The following TMTC2 variants were observed in gnomAD, a reference collection of about 807,000 sequenced individuals.
The protein encoded by TMTC2 is transmembrane O-mannosyltransferase targeting cadherins 2, also known as protein O-mannosyl-transferase TMTC2.
In TMTC2, 43 loss-of-function variants were observed where a neutral mutation model predicts 82.4. That is an observed-to-expected ratio of 0.52 (90% CI 0.41 to 0.67). The LOEUF (loss-of-function observed/expected upper bound fraction) is 0.67, where lower values mean the gene tolerates loss of function less well. TMTC2 is among the 30% of genes least tolerant of loss of function. The pLI is 0.00. For missense variants in TMTC2, 919 were observed against 1,012.4 expected, an observed-to-expected ratio of 0.91 and a Z score of 1.25; for synonymous variants, 408 against 381.9, an observed-to-expected ratio of 1.07 and a Z score of -0.80.
At chr12:83,039,224 C>T (rs983355422) in intron 9 of TMTC2, among the ~76,000 whole-genome samples, 3 of 151,994 alleles carry the variant, frequency 2.0e-5, no homozygotes, top group East Asian at 1.9e-4. Flanking sequence ...TAAGCCACCA[C>T]GCCTGGCCAA....
At chr12:83,068,565 C>T (rs2137483652) in intron 11 of TMTC2, among the ~76,000 whole-genome samples, 1 of 152,212 alleles carries the variant, frequency 6.6e-6, no homozygotes, top group East Asian at 1.9e-4. Context: ...CCATATGTCT[C>T]CTGACTTTTA....
At chr12:83,002,138 C>T (rs568791379) in intron 8 of TMTC2, among the ~76,000 whole-genome samples, 54 of 152,178 alleles carry the variant, frequency 3.5e-4, no homozygotes, top group African/African-American at 1.2e-3. Flanking sequence ...TTTTTTATTA[C>T]TGATTCAATT....
intron 11 of TMTC2, among the ~76,000 whole-genome samples, chr12:83,105,525 T>G (rs562002346): frequency 6.6e-6 from 1 of 152,288 alleles, no homozygotes; most frequent in East Asian, 1.9e-4. Flanking sequence ...GAGTTGGCAC[T>G]TCACATGGTG....
At chr12:82,878,360 A>C (rs963618667) in intron 2 of TMTC2, among the ~76,000 whole-genome samples, 2 of 152,226 alleles carry the variant, frequency 1.3e-5, no homozygotes, top group Admixed American at 6.5e-5. Flanking sequence ...AGTAGTTGAT[A>C]TCTTTCATAT....
chr12:82,696,304 T>G (rs1872785029), intron 1 of TMTC2, among the ~76,000 whole-genome samples: 2 of 152,170 alleles, frequency 1.3e-5, no homozygotes, highest in South Asian at 2.1e-4. Flanking sequence ...TCATTTAAAA[T>G]AGGAAGGTTA....
At chr12:83,066,926 G>A (rs540803670) in intron 11 of TMTC2, among the ~76,000 whole-genome samples, 1 of 152,020 alleles carries the variant, frequency 6.6e-6, no homozygotes, top group South Asian at 2.1e-4. Flanking sequence ...TTCCTATCAA[G>A]GAAGGAGTTA....
In TMTC2 at chr12:83,036,177, C is replaced by G. The variant is rs1251653534; in HGVS notation, c.2152+5298C>G. ...GTAGTGATGAGTCCTAAGCCTCTTA[C>G]TTTTAGCCTCCTGCTCAGTATTTAT... is the stretch of plus-strand genomic sequence containing the variant. On this transcript the variant is annotated intron_variant, in intron 9 of 11. Coordinates refer to ENST00000321196, the MANE Select transcript of TMTC2 (RefSeq NM_152588.3). 5.9e-5 allele frequency among the ~76,000 whole-genome samples: 9 copies of G among 152,030 alleles called. No homozygotes were observed. The East Asian group carries it at 1.5e-3, about 26-fold the overall frequency.
At chr12:82,857,722 G>A in intron 2 of TMTC2, 142 bp downstream of exon 2, 1 of 732,674 alleles carries the variant, frequency 1.4e-6, no homozygotes, top group Non-Finnish European at 2.2e-6. Context: ...AAGTGGAAGT[G>A]TCCTTTTGAC....
intron 1 of TMTC2, among the ~76,000 whole-genome samples, chr12:82,835,927 G>C (rs1194557541): frequency 6.6e-6 from 1 of 152,154 alleles, no homozygotes; most frequent in East Asian, 1.9e-4. Flanking sequence ...CTCCAGTGCT[G>C]TGGCCAGTAC....
chr12:83,005,224 A>AG (rs1555204786), intron 8 of TMTC2, among the ~76,000 whole-genome samples: 3 of 12,660 alleles, frequency 2.4e-4, no homozygotes, highest in African/African-American at 3.4e-4. Context: ...AAAAAAAAAA[A>AG]GGGGAGAGAG....
chr12:82,934,889 C>T (rs1272149637), intron 4 of TMTC2, among the ~76,000 whole-genome samples: 1 of 152,046 alleles, frequency 6.6e-6, no homozygotes, highest in African/African-American at 2.4e-5. Context: ...TCTGTTGTTT[C>T]CTGACTTTTT....
intron 11 of TMTC2, among the ~76,000 whole-genome samples, chr12:83,116,830 G>A (rs1369107353): frequency 6.6e-6 from 1 of 151,780 alleles, no homozygotes; most frequent in Non-Finnish European, 1.5e-5. Flanking sequence ...TCTGGATATT[G>A]GTCCTCTGTC....
intron 10 of TMTC2, among the ~76,000 whole-genome samples, chr12:83,056,661 C>T (rs1228742123): frequency 1.3e-5 from 2 of 151,854 alleles, no homozygotes; most frequent in Non-Finnish European, 2.9e-5. Context: ...GCCCTCTGGA[C>T]CATACATTTT....
At chr12:82,719,710 AAAGAGCACAGTTTTGGCC>A (rs1423655075) in intron 1 of TMTC2, among the ~76,000 whole-genome samples, 79 of 130,330 alleles carry the variant, frequency 6.1e-4, no homozygotes, top group Non-Finnish European at 1.0e-3. Flanking sequence ...AGTGTAGGGT[AAAGAGCACAGTTTTGGCC>A]CCAAGTAACC....
intron 1 of TMTC2, among the ~76,000 whole-genome samples, chr12:82,709,698 C>CA (rs1212793574): frequency 4.0e-5 from 6 of 151,712 alleles, no homozygotes; most frequent in Admixed American, 3.9e-4. Flanking sequence ...AAACAAAAAA[C>CA]AAAAAAAGCT....
intron 8 of TMTC2, among the ~76,000 whole-genome samples, chr12:82,987,466 G>A (rs1879206140): frequency 6.9e-6 from 1 of 144,004 alleles, no homozygotes; most frequent in Non-Finnish European, 1.5e-5. Flanking sequence ...CATATAGGTA[G>A]ACTAAGTAAC....
At chr12:83,101,585 A>G (rs954699744) in intron 11 of TMTC2, among the ~76,000 whole-genome samples, 1 of 152,222 alleles carries the variant, frequency 6.6e-6, no homozygotes, top group Non-Finnish European at 1.5e-5. Flanking sequence ...AATGAAAACT[A>G]CTACTGTATC....
intron 1 of TMTC2, among the ~76,000 whole-genome samples, chr12:82,830,585 A>G (rs1869695696): frequency 6.6e-6 from 1 of 152,080 alleles, no homozygotes; most frequent in Admixed American, 6.5e-5. Context: ...TTGAAGATAC[A>G]CTGTATGTCT....
intron 11 of TMTC2, among the ~76,000 whole-genome samples, chr12:83,114,980 C>A (rs1244034092): frequency 6.6e-6 from 1 of 151,806 alleles, no homozygotes; most frequent in Non-Finnish European, 1.5e-5. Context: ...CTGCTTGTAT[C>A]TTCCATGACA....
Sources: allele counts gnomAD v4.1 joint callset (sites outside exome capture counted in the v4.1 genomes callset), GRCh38; gene constraint gnomAD v4.1.1; transcripts MANE v1.5; gene names NCBI Gene and HGNC (gene_info 2026-07-23, HGNC 2026-07-21).